The following ZNF334 variants were observed in gnomAD, a reference collection of about 807,000 sequenced individuals.
The protein encoded by ZNF334 is zinc finger protein 334.
ZNF334 carries 14 observed loss-of-function variants against 12.4 expected under a neutral mutation model. That is an observed-to-expected ratio of 1.13 (90% CI 0.74 to 1.76). The LOEUF (loss-of-function observed/expected upper bound fraction) is 1.76, where lower values mean the gene tolerates loss of function less well. Ranked by LOEUF, ZNF334 falls within the 40% of genes most tolerant of loss-of-function variation. The pLI is 0.00. For synonymous variants in ZNF334, 273 were observed against 269.6 expected, an observed-to-expected ratio of 1.01 and a Z score of -0.12; for missense variants, 797 against 804.5, an observed-to-expected ratio of 0.99 and a Z score of 0.11.
At chr20:46,468,211 G>A in the ZNF334 span, among the ~76,000 whole-genome samples, 4 of 152,144 alleles carry the variant, frequency 2.6e-5, no homozygotes, top group Non-Finnish European at 5.9e-5. Flanking sequence ...GTAGAGTGGG[G>A]CTCCCCGATA....
chr20:46,487,187 G>T, the ZNF334 span, among the ~76,000 whole-genome samples: 1 of 152,006 alleles, frequency 6.6e-6, no homozygotes, highest in Non-Finnish European at 1.5e-5. Context: ...GAAGCCCACT[G>T]CATCCTAGAC....
the ZNF334 span, among the ~76,000 whole-genome samples, chr20:46,481,924 T>C: frequency 6.6e-6 from 1 of 152,124 alleles, no homozygotes; most frequent in African/African-American, 2.4e-5. Flanking sequence ...TAAAAGGGAC[T>C]TTGCAGGTGT....
downstream of ZNF334, among the ~76,000 whole-genome samples, chr20:46,498,228 C>T (rs1298090919): frequency 6.6e-6 from 1 of 152,190 alleles, no homozygotes; most frequent in East Asian, 1.9e-4. Context: ...GGTACTCAGG[C>T]TCCTGTGTGA....
chr20:46,499,144 A>G (rs913188955), downstream of ZNF334, among the ~76,000 whole-genome samples: 1 of 130,746 alleles, frequency 7.6e-6, no homozygotes, highest in Non-Finnish European at 1.6e-5. Context: ...ACTGCACTCC[A>G]GCCTGGGCGA....
At chr20:46,496,381 G>A (rs969329746), downstream of ZNF334, among the ~76,000 whole-genome samples, 4 of 152,174 alleles carry the variant, frequency 2.6e-5, no homozygotes, top group Admixed American at 2.6e-4. Flanking sequence ...ACCACTTACA[G>A]AATCAGTCCC....
the ZNF334 span, chr20:46,464,594 T>C: frequency 4.9e-6 from 2 of 410,254 alleles, no homozygotes; most frequent in Non-Finnish European, 9.6e-6. Context: ...CCATTGGAGG[T>C]AGGACCTGCA....
the ZNF334 span, chr20:46,463,639 T>C: frequency 1.4e-5 from 3 of 208,824 alleles, no homozygotes; most frequent in Non-Finnish European, 3.0e-5. Context: ...CTACACGAAC[T>C]GTCTGACTGT....
chr20:46,511,775 T>C (rs1312982698), intron 2 of ZNF334, among the ~76,000 whole-genome samples: 1 of 152,166 alleles, frequency 6.6e-6, no homozygotes, highest in East Asian at 1.9e-4. Flanking sequence ...TCTCAGCTGT[T>C]TTTGGCAGAA....
the ZNF334 span, among the ~76,000 whole-genome samples, chr20:46,463,141 G>A: frequency 6.6e-6 from 1 of 152,198 alleles, no homozygotes; most frequent in Non-Finnish European, 1.5e-5. Flanking sequence ...CAGCTACTTG[G>A]GAGGCTGAGG....
In ZNF334 at chr20:46,504,548, C is replaced by T. The variant is rs529885483; in HGVS notation, c.148+66G>A. 1.3e-5 allele frequency: 20 copies of T among 1,518,550 alleles called. No individual in the cohort carries two copies. In the Admixed American group the frequency reaches 2.2e-4, roughly 17 times the overall value. The allele number at this position is 1,518,550 out of a possible 1,614,324, so 94.1% of individuals were successfully genotyped here. ...TCAGGGCTAAATAAATTCTAGAAATCAACATGTTTTTGTAACACAGAAGAA... is the reference window on the plus strand; with the variant it reads ...TCAGGGCTAAATAAATTCTAGAAATTAACATGTTTTTGTAACACAGAAGAA... On this transcript the variant is annotated intron_variant, in intron 3 of 4. Coordinates refer to ENST00000692313, the MANE Select transcript of ZNF334 (RefSeq NM_001353824.2).
At chr20:46,494,429 C>T in the ZNF334 span, among the ~76,000 whole-genome samples, 1 of 152,170 alleles carries the variant, frequency 6.6e-6, no homozygotes, top group South Asian at 2.1e-4. Context: ...GTTGAGGCAT[C>T]AGTACGTTTA....
intron 2 of ZNF334, among the ~76,000 whole-genome samples, chr20:46,511,062 T>G (rs2061632385): frequency 6.6e-6 from 1 of 151,924 alleles, no homozygotes; most frequent in African/African-American, 2.4e-5. Context: ...ATAGCAATGT[T>G]CATGAAACAA....
intron 2 of ZNF334, chr20:46,506,110 T>C (rs951110181): frequency 7.9e-6 from 3 of 379,142 alleles, no homozygotes; most frequent in African/African-American, 6.2e-5. Flanking sequence ...ATCTTTACCA[T>C]GCTGTGCTTG....
Position 46,502,288 on chromosome 20 carries a change from A to C in ZNF334, c.1051T>G (p.Cys351Gly). Residue 351 changes from cysteine to glycine, a missense_variant, in exon 5 of 5, where the codon TGC becomes GGC. Transcript: ENST00000692313. ...CTGAAGGCATTTCCACATTCCTTGC[A>C]TTCGTAAGGCTTCTCCCCTGTGTGT... ...RSHTGEKPYE[C>G]KECGNAFSKK... The C allele has an allele frequency of 6.2e-7, 1 of 1,614,144 alleles. No homozygotes were observed.
chr20:46,464,824 A>G, the ZNF334 span: 1 of 538,768 alleles, frequency 1.9e-6, no homozygotes, highest in South Asian at 1.4e-5. Flanking sequence ...CCACTCCTAC[A>G]GTTGCAAAGT....
At chr20:46,464,510 G>T in the ZNF334 span, 1 of 477,218 alleles carries the variant, frequency 2.1e-6, no homozygotes. Context: ...GCACTGCACA[G>T]CAAATGAGAG....
chr20:46,496,030 T>C (rs2061017181), downstream of ZNF334, among the ~76,000 whole-genome samples: 1 of 152,226 alleles, frequency 6.6e-6, no homozygotes, highest in African/African-American at 2.4e-5. Context: ...AAGGTCTTCC[T>C]GAAGCCACTT....
the ZNF334 span, chr20:46,477,126 AC>A: frequency 6.6e-6 from 1 of 152,226 alleles, no homozygotes; most frequent in Admixed American, 6.5e-5. Context: ...GATAAAAGGT[AC>A]AGCTTCTGCT....
At chr20:46,505,019 G>C in intron 2 of ZNF334, 1 of 279,500 alleles carries the variant, frequency 3.6e-6, no homozygotes, top group Non-Finnish European at 6.6e-6. Flanking sequence ...CATTCTGACA[G>C]GGTGACAAAA....
Sources: allele counts gnomAD v4.1 joint callset (sites outside exome capture counted in the v4.1 genomes callset), GRCh38; gene constraint gnomAD v4.1.1; transcripts MANE v1.5; gene names NCBI Gene and HGNC (gene_info 2026-07-23, HGNC 2026-07-21).